SPACA7: variants seen among roughly 807,000 people sequenced by gnomAD.
The protein encoded by SPACA7 is sperm acrosome-associated protein 7.
SPACA7 carries 19 observed loss-of-function variants against 26.3 expected under a neutral mutation model. The observed-to-expected ratio is 0.72, with a 90% CI of 0.50 to 1.06. The LOEUF is 1.06. SPACA7 is among the 50% of genes least tolerant of loss of function. The pLI is 0.00. For synonymous variants in SPACA7, 84 were observed against 84.5 expected, an observed-to-expected ratio of 0.99 and a Z score of 0.04; for missense variants, 211 against 229.9, an observed-to-expected ratio of 0.92 and a Z score of 0.53.
rs201431386 is a variant in SPACA7 at position 112,378,718 on chromosome 13, G to T, written c.94+2239G>T. The T allele has an allele frequency of 1.7e-5, 8 of 471,092 alleles. No individual in the cohort carries two copies. In the Admixed American group the frequency reaches 1.9e-4, roughly 11 times the overall value. 29.2% of individuals were successfully genotyped at this position (471,092 alleles called of 1,614,324 possible). On this transcript the variant is annotated intron_variant, in intron 1 of 6. Coordinates refer to ENST00000283550, the MANE Select transcript of SPACA7 (RefSeq NM_145248.5). ...CTCACCTGTGGGATGGGGACCCGGT[G>T]AGCCAGGTAGCAGGTCAGTTTCTCC... is the stretch of plus-strand genomic sequence containing the variant.
chr13:112,405,741 T>C (rs1490760257), intron 5 of SPACA7, among the ~76,000 whole-genome samples: 3 of 152,182 alleles, frequency 2.0e-5, no homozygotes, highest in African/African-American at 7.2e-5. Flanking sequence ...ACCTGTCTTT[T>C]GTTAAGAATA....
rs145955191 is a variant in SPACA7, at chr13:112,426,001, C to T, written c.446-6443C>T. Among the ~76,000 whole-genome samples the T allele has an allele frequency of 8.5e-5, 13 of 152,348 alleles. No individual in the cohort carries two copies. In the East Asian group the frequency reaches 2.5e-3, roughly 29 times the overall value. On this transcript the variant is annotated intron_variant, in intron 5 of 6. Transcript: ENST00000283550. ...ACTGTGTTCATATGTTTAGTCACTACTGGTTCCCTAGGGCTGCCATACAAA... is the reference window on the plus strand; with the variant it reads ...ACTGTGTTCATATGTTTAGTCACTATTGGTTCCCTAGGGCTGCCATACAAA...
Position 112,430,168 on chromosome 13 carries a change from C to CTGTGTGTGTGTGTGTG in SPACA7, c.446-2275_446-2274insGTGTGTGTGTGTGTGT, listed in dbSNP as rs1471577074. On this transcript the variant is annotated intron_variant, in intron 5 of 6. Coordinates refer to ENST00000283550, the MANE Select transcript of SPACA7 (RefSeq NM_145248.5). ...AAGGCTCAAGGCATCCCTTGCATCT[C>CTGTGTGTGTGTGTGTG]TCTCTCTGTGTGTGTGTGTGTGTGT... Among the ~76,000 whole-genome samples, 151 of 115,928 alleles carry CTGTGTGTGTGTGTGTG rather than the reference C, an allele frequency of 1.3e-3. 1 individual carries two copies. The highest frequency in any genetic ancestry group is 4.7e-3 in the African/African-American group (123 of 26,364). The allele number at this position is 115,928 out of a possible 152,430, so 76.1% of individuals were successfully genotyped here.
At chr13:112,390,933 C>G (rs1440918964) in intron 1 of SPACA7, among the ~76,000 whole-genome samples, 1 of 152,190 alleles carries the variant, frequency 6.6e-6, no homozygotes, top group East Asian at 1.9e-4. Context: ...ATGGACTGGC[C>G]AGAGCCTCCA....
intron 6 of SPACA7, among the ~76,000 whole-genome samples, chr13:112,432,736 G>A (rs1403500980): frequency 1.3e-5 from 2 of 152,160 alleles, no homozygotes; most frequent in African/African-American, 2.4e-5. Flanking sequence ...TGTCATTGAA[G>A]GAGTGCTCTC....
At chr13:112,412,455 T>G (rs1374970730) in intron 5 of SPACA7, among the ~76,000 whole-genome samples, 1 of 152,168 alleles carries the variant, frequency 6.6e-6, no homozygotes, top group Non-Finnish European at 1.5e-5. Context: ...GCTTTTTAGC[T>G]TGATATAATC....
At chr13:112,427,145 T>C (rs1876612707) in intron 5 of SPACA7, among the ~76,000 whole-genome samples, 1 of 152,150 alleles carries the variant, frequency 6.6e-6, no homozygotes, top group South Asian at 2.1e-4. Flanking sequence ...ATAGCAAATA[T>C]TTTTTGTACA....
chr13:112,419,797 C>T (rs779577004), intron 5 of SPACA7, among the ~76,000 whole-genome samples: 2 of 152,144 alleles, frequency 1.3e-5, no homozygotes, highest in Non-Finnish European at 2.9e-5. Context: ...TGAGAAATCC[C>T]CTGCCCATCA....
At chr13:112,383,133 G>GAA (rs1199808228) in intron 1 of SPACA7, among the ~76,000 whole-genome samples, 7 of 3,138 alleles carry the variant, frequency 2.2e-3, no homozygotes, top group South Asian at 7.8e-3. Flanking sequence ...AAGAAAGAAA[G>GAA]AAAGAAAGAA....
intron 3 of SPACA7, among the ~76,000 whole-genome samples, chr13:112,398,351 T>C (rs1010233646): frequency 2.0e-5 from 3 of 151,922 alleles, no homozygotes; most frequent in Non-Finnish European, 2.9e-5. Flanking sequence ...GCAGGGTTAA[T>C]TCCCTTTACT....
intron 5 of SPACA7, among the ~76,000 whole-genome samples, chr13:112,411,385 A>C (rs765069654): frequency 2.0e-5 from 3 of 152,174 alleles, no homozygotes; most frequent in Non-Finnish European, 2.9e-5. Context: ...GTAATGATCA[A>C]ATCTGGGTAA....
chr13:112,418,486 T>C (rs1000445729), intron 5 of SPACA7, among the ~76,000 whole-genome samples: 3 of 152,214 alleles, frequency 2.0e-5, no homozygotes, highest in Admixed American at 6.5e-5. Context: ...TATGTCTGTG[T>C]AAGCCTGTAC....
intron 2 of SPACA7, among the ~76,000 whole-genome samples, chr13:112,397,477 A>T (rs1042681819): frequency 6.6e-5 from 10 of 152,118 alleles, no homozygotes; most frequent in Non-Finnish European, 1.2e-4. Flanking sequence ...ACACACCCCC[A>T]TTTTACAGAC....
intron 2 of SPACA7, among the ~76,000 whole-genome samples, chr13:112,395,553 C>G (rs1391667550): frequency 1.3e-5 from 2 of 152,188 alleles, no homozygotes; most frequent in Non-Finnish European, 2.9e-5. Context: ...TCACTGCAAC[C>G]TCCACCTTCT....
At chr13:112,406,159 C>A (rs1193953182) in intron 5 of SPACA7, among the ~76,000 whole-genome samples, 1 of 152,112 alleles carries the variant, frequency 6.6e-6, no homozygotes, top group Non-Finnish European at 1.5e-5. Flanking sequence ...TAAACATATT[C>A]ATAATGCTGT....
intron 5 of SPACA7, among the ~76,000 whole-genome samples, chr13:112,424,331 A>T (rs1876314675): frequency 6.6e-6 from 1 of 152,124 alleles, no homozygotes; most frequent in Non-Finnish European, 1.5e-5. Flanking sequence ...CATCACACTG[A>T]AGTGGAGCTT....
chr13:112,385,320 C>T (rs1884454651), intron 1 of SPACA7, among the ~76,000 whole-genome samples: 1 of 152,066 alleles, frequency 6.6e-6, no homozygotes, highest in Non-Finnish European at 1.5e-5. Flanking sequence ...TTATAATCTT[C>T]TACCAAAAAC....
intron 4 of SPACA7, among the ~76,000 whole-genome samples, chr13:112,399,703 G>A (rs1225931175): frequency 6.6e-6 from 1 of 152,208 alleles, no homozygotes; most frequent in East Asian, 1.9e-4. Flanking sequence ...ACCAGAAAGG[G>A]CACATATATA....
chr13:112,432,461 A>C lies in SPACA7; in HGVS notation c.463A>C (p.Thr155Pro). ...VSSKEKNSKN[T>P]QYENLSILDQ... The stretch of plus-strand genomic sequence containing the variant: ...CCCCACAGAAAAGAATTCAAAGAAC[A>C]CTCAGTATGAAAATCTATCCATTCT... Residue 155 changes from threonine (T) to proline (P), a missense_variant, in exon 6 of 7, where the codon ACT becomes CCT. Coordinates refer to ENST00000283550, the MANE Select transcript of SPACA7 (RefSeq NM_145248.5). 4 of 1,609,902 alleles carry C rather than the reference A, an allele frequency of 2.5e-6. No individual in the cohort carries two copies. Among genetic ancestry groups the C allele is most frequent in the Middle Eastern group, 3.3e-4 (2 of 6,054 alleles).
Sources: gnomAD v4.1 joint callset for allele counts (sites outside exome capture counted in the v4.1 genomes callset) on GRCh38, gnomAD v4.1.1 for gene constraint, MANE v1.5 for transcripts, NCBI Gene and HGNC (gene_info 2026-07-23, HGNC 2026-07-21) for gene names.